CD6: variants seen among roughly 807,000 people sequenced by gnomAD.
The protein encoded by CD6 is CD6 molecule, also known as T-cell differentiation antigen CD6.
CD6 carries 53 observed loss-of-function variants against 75.3 expected under a neutral mutation model. The observed-to-expected ratio is 0.70, with a 90% CI of 0.56 to 0.88. The LOEUF (loss-of-function observed/expected upper bound fraction) is 0.88, where lower values mean the gene tolerates loss of function less well. Among genes scored for constraint, CD6 ranks in the 40% least tolerant of loss-of-function variants. The probability of loss-of-function intolerance (pLI) is 0.00; values close to 1 mark genes in which losing one functional copy is unlikely to be tolerated. For synonymous variants in CD6, 359 were observed against 381.5 expected, an observed-to-expected ratio of 0.94 and a Z score of 0.69; for missense variants, 770 against 897.1, an observed-to-expected ratio of 0.86 and a Z score of 1.81.
At chr11:61,017,030 C>A (rs544354752) in intron 9 of CD6, 10 of 183,574 alleles carry the variant, frequency 5.4e-5, no homozygotes, top group African/African-American at 2.1e-4. Flanking sequence ...ACACTCATAT[C>A]CTCAAGACTC....
At chr11:60,996,146 CT>C (rs1858285531) in intron 1 of CD6, among the ~76,000 whole-genome samples, 2 of 152,212 alleles carry the variant, frequency 1.3e-5, no homozygotes, top group Non-Finnish European at 2.9e-5. Context: ...CTAAACCGCT[CT>C]GTGCCTCAGT....
chr11:60,983,061 A>G (rs1234408682), intron 1 of CD6, among the ~76,000 whole-genome samples: 2 of 150,726 alleles, frequency 1.3e-5, no homozygotes, highest in Admixed American at 1.3e-4. Context: ...CGGCTCCTCC[A>G]GTCCTCAGGC....
At chr11:60,999,613 G>A (rs1201971578) in intron 1 of CD6, among the ~76,000 whole-genome samples, 1 of 151,806 alleles carries the variant, frequency 6.6e-6, no homozygotes, top group Non-Finnish European at 1.5e-5. Context: ...AATACTCCCT[G>A]TAAATTTTTT....
intron 1 of CD6, among the ~76,000 whole-genome samples, chr11:61,004,071 T>C (rs954836480): frequency 4.6e-5 from 7 of 152,236 alleles, no homozygotes; most frequent in Non-Finnish European, 8.8e-5. Context: ...TAGGGTTTTC[T>C]GATCTAGGAG....
At chr11:60,977,909 T>C (rs1426563832) in intron 1 of CD6, among the ~76,000 whole-genome samples, 3 of 152,216 alleles carry the variant, frequency 2.0e-5, no homozygotes, top group Admixed American at 2.0e-4. Context: ...ATGATTATAA[T>C]GGTGAAAATA....
chr11:60,991,126 TTTC>T (rs1858043556), intron 1 of CD6, among the ~76,000 whole-genome samples: 1 of 144,182 alleles, frequency 6.9e-6, no homozygotes, highest in Non-Finnish European at 1.5e-5. Context: ...TCTTTCTTTC[TTTC>T]TTTTCTTTTC....
At chr11:60,986,181 C>T (rs1257821253) in intron 1 of CD6, among the ~76,000 whole-genome samples, 1 of 152,204 alleles carries the variant, frequency 6.6e-6, no homozygotes, top group African/African-American at 2.4e-5. Flanking sequence ...ATTGTAAAAA[C>T]GTTATAACAA....
At chr11:60,973,110 A>G (rs1184196985) in intron 1 of CD6, among the ~76,000 whole-genome samples, 1 of 152,222 alleles carries the variant, frequency 6.6e-6, no homozygotes, top group Non-Finnish European at 1.5e-5. Context: ...CCACAGGCTC[A>G]GGAGTAAAGT....
Position 61,019,405 on chromosome 11 carries a change from G to C in CD6, c.*87G>C, listed in dbSNP as rs1372863261. 9.7e-7 allele frequency: 1 copy of C among 1,032,900 alleles called. No homozygotes were observed. The highest frequency in any genetic ancestry group is 1.4e-6 in the Non-Finnish European group (1 of 702,016). The allele number at this position is 1,032,900 out of a possible 1,614,324, so 64.0% of individuals were successfully genotyped here. A position where few individuals can be genotyped will look rare whatever the true frequency, so the allele number is the denominator to read the frequency against. On this transcript the variant is annotated 3_prime_UTR_variant, in exon 13 of 13. Transcript: ENST00000313421. ...CCCTTTCCCCTTTCCCACCCTCCCA[G>C]CTCACCTCCCCATGGAGCTGAGAGG...
At chr11:61,002,995 C>T (rs1327194508) in intron 1 of CD6, among the ~76,000 whole-genome samples, 5 of 138,030 alleles carry the variant, frequency 3.6e-5, no homozygotes, top group Non-Finnish European at 6.6e-5. Flanking sequence ...GACACAGTCT[C>T]GCTCTGTTGG....
intron 1 of CD6, among the ~76,000 whole-genome samples, chr11:60,991,149 C>CTT (rs58123378): frequency 0.076 from 8,704 of 114,680 alleles, 615 homozygotes; most frequent in East Asian, 0.1. Context: ...CTTTTTCTTT[C>CTT]TTTTTTTTTT....
Position 61,017,792 on chromosome 11 carries a change from C to T in CD6, c.1616C>T (p.Thr539Ile), listed in dbSNP as rs974567570. 8.7e-6 allele frequency: 14 copies of T among 1,614,034 alleles called. No homozygotes were observed. Among genetic ancestry groups the T allele is most frequent in the Non-Finnish European group, 9.3e-6 (11 of 1,180,026 alleles). Residue 539 changes from threonine (T) to isoleucine (I), a missense_variant, in exon 11 of 13, where the codon ACT becomes ATT. Transcript: ENST00000313421. The stretch of plus-strand genomic sequence containing the variant: ...GAGTTGCATGCCTCCCACATCCCAA[C>T]TGCCAACCCTGGACACTGCATTACA... ...LEELHASHIPTANPGHCITDP... is the reference protein window; with the variant it reads ...LEELHASHIPIANPGHCITDP...
chr11:61,014,172 GTCGTC>G (rs1859295255), intron 8 of CD6, among the ~76,000 whole-genome samples, 158 bp downstream of exon 8: 1 of 152,192 alleles, frequency 6.6e-6, no homozygotes, highest in African/African-American at 2.4e-5. Context: ...GCAGGCTCAA[GTCGTC>G]CCTGGACATT....
intron 1 of CD6, among the ~76,000 whole-genome samples, chr11:60,979,500 T>C (rs1476107818): frequency 1.3e-5 from 2 of 151,584 alleles, no homozygotes; most frequent in Non-Finnish European, 2.9e-5. Flanking sequence ...GGAGTCTCAG[T>C]CTGTTACCCA....
chr11:61,014,847 A>G (rs780405442), intron 8 of CD6, among the ~76,000 whole-genome samples: 5 of 152,210 alleles, frequency 3.3e-5, no homozygotes, highest in Non-Finnish European at 7.3e-5. Flanking sequence ...GTATTCAATC[A>G]CCTTTATCGG....
chr11:60,974,400 C>T (rs933894683), intron 1 of CD6, among the ~76,000 whole-genome samples: 4 of 152,222 alleles, frequency 2.6e-5, no homozygotes, highest in East Asian at 1.9e-4. Flanking sequence ...GCATGCGCCA[C>T]GACGCCCAGC....
intron 8 of CD6, 52 bp from the exon 9 acceptor site, chr11:61,015,661 A>G: frequency 6.2e-7 from 1 of 1,608,388 alleles, no homozygotes; most frequent in Non-Finnish European, 8.5e-7. Flanking sequence ...ATCCCTCCCT[A>G]CACCTTTCCG....
intron 1 of CD6, among the ~76,000 whole-genome samples, chr11:60,976,070 C>T (rs1565139062): frequency 6.6e-6 from 1 of 152,094 alleles, no homozygotes; most frequent in Non-Finnish European, 1.5e-5. Flanking sequence ...TTTTGTTACA[C>T]GGATATATTA....
chr11:60,996,574 T>C (rs1053180746), intron 1 of CD6, among the ~76,000 whole-genome samples: 1 of 152,176 alleles, frequency 6.6e-6, no homozygotes, highest in Non-Finnish European at 1.5e-5. Context: ...TCACGTAGCA[T>C]TTGTCATCAC....
Sources: allele counts gnomAD v4.1 joint callset (sites outside exome capture counted in the v4.1 genomes callset), GRCh38; gene constraint gnomAD v4.1.1; transcripts MANE v1.5; gene names NCBI Gene and HGNC (gene_info 2026-07-23, HGNC 2026-07-21).